Variants in CRYBG1 observed in about 807,000 individuals in gnomAD.
CRYBG1 encodes the protein crystallin beta-gamma domain containing 1, also known as beta/gamma crystallin domain-containing protein 1.
CRYBG1 carries 139 observed loss-of-function variants against 189.2 expected under a neutral mutation model. The ratio of observed to expected loss-of-function variants is 0.73; its 90% CI spans 0.64 to 0.85. The LOEUF (loss-of-function observed/expected upper bound fraction) is 0.85, where lower values mean the gene tolerates loss of function less well. Ranked by LOEUF, CRYBG1 falls within the 40% of genes least tolerant of loss-of-function variation. The probability of loss-of-function intolerance (pLI) is 0.00; values close to 1 mark genes in which losing one functional copy is unlikely to be tolerated. For missense variants in CRYBG1, 2,611 were observed against 2,675.8 expected (o/e 0.98, Z 0.53); for synonymous variants, 1,023 against 1,017.1 (o/e 1.01, Z -0.11).
intron 1 of CRYBG1, among the ~76,000 whole-genome samples, chr6:106,419,542 C>T (rs999843580): frequency 6.6e-6 from 1 of 152,118 alleles, no homozygotes; most frequent in Non-Finnish European, 1.5e-5. Context: ...ACAACTGTGC[C>T]AGGTGAATTG....
In CRYBG1 at chr6:106,539,416, G is replaced by A; in HGVS notation, c.4732G>A (p.Glu1578Lys). The A allele has an allele frequency of 6.2e-7, 1 of 1,613,972 alleles. No individual in the cohort carries two copies. Among genetic ancestry groups the A allele is most frequent in the Non-Finnish European group, 8.5e-7 (1 of 1,179,970 alleles). Residue 1578 changes from glutamate (E) to lysine (K), a missense_variant, in exon 9 of 22, where the codon GAA becomes AAA. Around this residue, in one of 3 missense-constraint regions of CRYBG1, gnomAD observed 1,622 missense variants for 1,735.0 expected, o/e 0.93. Transcript: ENST00000633556. ...GTGGCTATTTAGGTGGCTGATTTAT[G>A]AAGAACCTGGATTTCAGGGTGTTCC... is the stretch of plus-strand genomic sequence containing the variant. ...KVHWGTWLIY[E>K]EPGFQGVPFI...
Position 106,544,903 on chromosome 6 carries a change from A to C in CRYBG1, c.5282A>C (p.Lys1761Thr). The C allele has an allele frequency of 6.2e-7, 1 of 1,612,896 alleles. No homozygotes were observed. Among genetic ancestry groups the C allele is most frequent in the South Asian group, 1.1e-5 (1 of 90,722 alleles). Residue 1761 changes from lysine (K) to threonine (T), a missense_variant, in exon 13 of 22, where the codon AAG becomes ACG. By Grantham distance (78) the Lys-to-Thr change is moderately conservative. Transcript: ENST00000633556. The part of the protein sequence containing the change: ...ANLKETGYGV[K>T]TQSINVLSGV... ...TTAAAGGAGACTGGATATGGAGTGA[A>C]GACACAGTCTATTAATGTACTGAGT... is the stretch of plus-strand genomic sequence containing the variant.
intron 1 of CRYBG1, among the ~76,000 whole-genome samples, chr6:106,445,553 C>T (rs1428047466): frequency 6.6e-6 from 1 of 152,204 alleles, no homozygotes; most frequent in Non-Finnish European, 1.5e-5. Context: ...GACATGTCAA[C>T]TGACATTCAT....
intron 13 of CRYBG1, among the ~76,000 whole-genome samples, chr6:106,547,414 G>A (rs1334251465): frequency 6.6e-6 from 1 of 152,172 alleles, no homozygotes; most frequent in Non-Finnish European, 1.5e-5. Context: ...CAGATTAAAT[G>A]CTCTGGGAAT....
At chr6:106,519,095 G>T in intron 3 of CRYBG1, 36 bp from the exon 4 acceptor site, 1 of 1,561,838 alleles carries the variant, frequency 6.4e-7, no homozygotes, top group South Asian at 1.2e-5. Flanking sequence ...TTTAAAACTA[G>T]GTCAATAACT....
At chr6:106,459,827 T>G (rs914920059) in intron 2 of CRYBG1, among the ~76,000 whole-genome samples, 3 of 152,210 alleles carry the variant, frequency 2.0e-5, no homozygotes, top group African/African-American at 7.2e-5. Flanking sequence ...TATTTAAAAA[T>G]GTAATAGATA....
intron 2 of CRYBG1, among the ~76,000 whole-genome samples, chr6:106,507,884 G>T (rs149589139): frequency 7.2e-5 from 11 of 152,284 alleles, no homozygotes; most frequent in Admixed American, 6.5e-5. Context: ...ACCTGGTCCC[G>T]TGGGAGAAGA....
chr6:106,505,537 C>G (rs999515807), intron 2 of CRYBG1, among the ~76,000 whole-genome samples: 4 of 152,076 alleles, frequency 2.6e-5, no homozygotes, highest in African/African-American at 9.7e-5. Flanking sequence ...CCTTGTTTTT[C>G]TGTGTGTGTT....
chr6:106,374,044 A>G (rs1770098354), intron 1 of CRYBG1, among the ~76,000 whole-genome samples: 1 of 152,204 alleles, frequency 6.6e-6, no homozygotes, highest in Admixed American at 6.5e-5. Flanking sequence ...TAACTGTGAT[A>G]GTGAAACTGC....
chr6:106,434,894 C>G lies in CRYBG1; in HGVS notation c.174-16800C>G, dbSNP rs148490892. Reference sequence around the variant, plus strand: ...AAAAGATTTACTTGTAAGTCTCTACCAGTTTCAGTTTATGGATTTGTTGAG... The same window carrying G: ...AAAAGATTTACTTGTAAGTCTCTACGAGTTTCAGTTTATGGATTTGTTGAG... On this transcript the variant is annotated intron_variant, in intron 1 of 21. Transcript: ENST00000633556. Among the ~76,000 whole-genome samples the G allele has an allele frequency of 6.0e-4, 92 of 152,300 alleles. 1 individual carries two copies. Among genetic ancestry groups the G allele is most frequent in the African/African-American group, 2.2e-3 (90 of 41,562 alleles).
chr6:106,448,371 C>T (rs1457514695), intron 1 of CRYBG1, among the ~76,000 whole-genome samples: 2 of 152,120 alleles, frequency 1.3e-5, no homozygotes, highest in Non-Finnish European at 1.5e-5. Flanking sequence ...AAGCAAGGGC[C>T]GTCCCTGGAA....
chr6:106,511,786 T>A lies in CRYBG1; in HGVS notation c.669T>A (p.Ala223=), dbSNP rs1308580864. Residue 223 remains alanine (A), a synonymous_variant, in exon 3 of 22, where the codon GCT becomes GCA. Transcript: ENST00000633556. ...PRWSSSAAAV[A]VQQCHENDSP... is the part of the protein sequence containing the mutation. Reference sequence around the variant, plus strand: ...GGAGCAGCAGTGCAGCGGCTGTGGCTGTGCAGCAGTGCCATGAAAATGATT... The same window carrying A: ...GGAGCAGCAGTGCAGCGGCTGTGGCAGTGCAGCAGTGCCATGAAAATGATT... The A allele has an allele frequency of 2.0e-5, 30 of 1,532,348 alleles. No individual in the cohort carries two copies. The highest frequency in any genetic ancestry group is 2.6e-5 in the Non-Finnish European group (30 of 1,144,602). 94.9% of individuals were successfully genotyped at this position (1,532,348 alleles called of 1,614,324 possible).
At chr6:106,391,928 C>CGTGTGT (rs57024907) in intron 1 of CRYBG1, among the ~76,000 whole-genome samples, 216 of 131,396 alleles carry the variant, frequency 1.6e-3, no homozygotes, top group African/African-American at 4.8e-3. Context: ...TTGTTTAAAA[C>CGTGTGT]GTGTGTGTGT....
intron 1 of CRYBG1, among the ~76,000 whole-genome samples, chr6:106,372,442 A>G (rs1298945084): frequency 1.3e-5 from 2 of 152,124 alleles, no homozygotes; most frequent in East Asian, 1.9e-4. Flanking sequence ...AGTAGAGACC[A>G]GATTTGGCCA....
intron 2 of CRYBG1, among the ~76,000 whole-genome samples, chr6:106,494,400 A>G (rs557666951): frequency 6.6e-6 from 1 of 152,334 alleles, no homozygotes; most frequent in African/African-American, 2.4e-5. Flanking sequence ...TTTCTACCAC[A>G]GTTAAATTTA....
chr6:106,436,680 C>T (rs9373864), intron 1 of CRYBG1, among the ~76,000 whole-genome samples: 18,560 of 150,166 alleles, frequency 0.12, 1,241 homozygotes, highest in East Asian at 0.16. Flanking sequence ...ATAATATGGA[C>T]ATGCAATAAT....
At chr6:106,390,871 T>A (rs1770485658) in intron 1 of CRYBG1, among the ~76,000 whole-genome samples, 1 of 152,228 alleles carries the variant, frequency 6.6e-6, no homozygotes. Context: ...GAAAAGGTCC[T>A]ATGAACATTT....
chr6:106,553,560 G>A lies in CRYBG1; in HGVS notation c.5578G>A (p.Gly1860Arg). The part of the protein sequence containing the change: ...SFSTKSCRVS[G>R]GSWVVYDGEN... Reference sequence around the variant, plus strand: ...TTCTACCAAGTCTTGCAGAGTTTCAGGAGGCAGGTAAGTGAAACAAAGGCC... The same window carrying A: ...TTCTACCAAGTCTTGCAGAGTTTCAAGAGGCAGGTAAGTGAAACAAAGGCC... Residue 1860 changes from glycine to arginine, a missense_variant, in exon 16 of 22, where the codon GGA (glycine) becomes AGA (arginine). Gly to Arg is a moderately radical substitution (Grantham distance 125). Coordinates refer to ENST00000633556, the MANE Select transcript of CRYBG1 (RefSeq NM_001371242.2). The A allele has an allele frequency of 1.9e-6, 3 of 1,608,812 alleles. No homozygotes were observed. Among genetic ancestry groups the A allele is most frequent in the Non-Finnish European group, 2.6e-6 (3 of 1,175,224 alleles).
chr6:106,506,968 T>C (rs1656403474), intron 2 of CRYBG1, among the ~76,000 whole-genome samples: 3 of 151,436 alleles, frequency 2.0e-5, no homozygotes, highest in Non-Finnish European at 4.4e-5. Flanking sequence ...TCAAAAAAAC[T>C]CTACCATTTA....
Sources: gnomAD v4.1 joint callset for allele counts (sites outside exome capture counted in the v4.1 genomes callset) on GRCh38, gnomAD v4.1.1 for gene constraint, gnomAD v4.1.1 regional missense constraint, MANE v1.5 for transcripts, NCBI Gene and HGNC (gene_info 2026-07-23, HGNC 2026-07-21) for gene names.